MYBPHL: variants seen among roughly 807,000 people sequenced by gnomAD.
MYBPHL encodes myosin-binding protein H-like.
MYBPHL carries 32 observed loss-of-function variants against 39.5 expected under a neutral mutation model. The ratio of observed to expected loss-of-function variants is 0.81; its 90% CI spans 0.61 to 1.09. The LOEUF is 1.09. Ranked by LOEUF, MYBPHL falls within the 50% of genes least tolerant of loss-of-function variation. MYBPHL has a pLI of 0.00. For synonymous variants in MYBPHL, 196 were observed against 183.7 expected (o/e 1.07, Z -0.54); for missense variants, 456 against 460.2 (o/e 0.99, Z 0.08).
chr1:109,295,848 T>C (rs1658038928), intron 6 of MYBPHL, among the ~76,000 whole-genome samples: 1 of 152,216 alleles, frequency 6.6e-6, no homozygotes, highest in South Asian at 2.1e-4. Flanking sequence ...AGAGCCTTGC[T>C]CAGGGTTGTG....
chr1:109,297,724 A>G, intron 2 of MYBPHL, 107 bp from the exon 3 acceptor site: 1 of 997,336 alleles, frequency 1.0e-6, no homozygotes, highest in Non-Finnish European at 1.5e-6. Flanking sequence ...CTTGACTTGG[A>G]GCTGCACATT....
intron 1 of MYBPHL, among the ~76,000 whole-genome samples, chr1:109,300,792 G>C (rs1217263522): frequency 6.6e-6 from 1 of 152,222 alleles, no homozygotes; most frequent in East Asian, 1.9e-4. Context: ...CCGCGAGGAC[G>C]GCAGTCTCTC....
intron 8 of MYBPHL, among the ~76,000 whole-genome samples, chr1:109,293,413 A>C (rs886294247): frequency 6.6e-6 from 1 of 152,186 alleles, no homozygotes; most frequent in East Asian, 1.9e-4. Flanking sequence ...ATCTACTATA[A>C]ATTCTCTCCA....
intron 1 of MYBPHL, among the ~76,000 whole-genome samples, chr1:109,299,493 CT>C (rs1658209108): frequency 6.6e-6 from 1 of 152,236 alleles, no homozygotes; most frequent in South Asian, 2.1e-4. Flanking sequence ...AACAGAGCTT[CT>C]TCTGTGTCCT....
chr1:109,298,352 G>C, intron 1 of MYBPHL, 95 bp from the exon 2 acceptor site: 2 of 1,097,196 alleles, frequency 1.8e-6, no homozygotes, highest in Non-Finnish European at 2.7e-6. Flanking sequence ...CCCAGGAATC[G>C]GTCACCAAAT....
At chr1:109,301,763 G>C (rs1277737254) in intron 1 of MYBPHL, among the ~76,000 whole-genome samples, 2 of 151,526 alleles carry the variant, frequency 1.3e-5, no homozygotes, top group Non-Finnish European at 2.9e-5. Context: ...AAAAAAAAGA[G>C]AGAAAACTAC....
intron 8 of MYBPHL, chr1:109,293,144 T>G (rs2101462595): frequency 6.6e-6 from 1 of 152,312 alleles, no homozygotes; most frequent in South Asian, 2.1e-4. Context: ...CTGAGGCGTT[T>G]ACTCAGTCAG....
chr1:109,295,903 T>C (rs1458836471), intron 6 of MYBPHL, among the ~76,000 whole-genome samples: 1 of 152,180 alleles, frequency 6.6e-6, no homozygotes, highest in Non-Finnish European at 1.5e-5. Flanking sequence ...ACGGCCCTGA[T>C]GGGATGAGGT....
At chr1:109,295,539 GA>G (rs1557761801) in intron 6 of MYBPHL, among the ~76,000 whole-genome samples, 1 of 152,182 alleles carries the variant, frequency 6.6e-6, no homozygotes, top group Non-Finnish European at 1.5e-5. Context: ...CTGACTGGAA[GA>G]AAACTGCTAA....
intron 1 of MYBPHL, among the ~76,000 whole-genome samples, chr1:109,299,177 C>T (rs766256227): frequency 6.6e-4 from 100 of 152,314 alleles, no homozygotes; most frequent in Non-Finnish European, 1.2e-3. Context: ...GCTGTCTCCT[C>T]CTTTCTCAGG....
rs1173940040 is a variant in MYBPHL at position 109,297,322 on chromosome 1, G to A, written c.430+100C>T. Reference sequence around the variant, plus strand: ...ACCCTGTGTCCCAGACATGACGTGGGAGCCTTGCCGCAGCTTCCCCAGCTC... The same window carrying A: ...ACCCTGTGTCCCAGACATGACGTGGAAGCCTTGCCGCAGCTTCCCCAGCTC... On this transcript the variant is annotated intron_variant, in intron 3 of 8. Coordinates refer to ENST00000357155, the MANE Select transcript of MYBPHL (RefSeq NM_001010985.3). 9 of 1,560,232 alleles carry A rather than the reference G, an allele frequency of 5.8e-6. 1 individual carries two copies. The East Asian group carries it at 2.0e-4, about 35-fold the overall frequency.
Position 109,297,158 on chromosome 1 carries a change from C to A in MYBPHL, c.462G>T (p.Leu154=), listed in dbSNP as rs771009699. ...TAGCGCTGAAGCCCCAAACGTCCAC[C>A]AGCTTAATACTCTGAGGAGGGCCTG... is the stretch of plus-strand genomic sequence containing the variant. ...ERPGPPQSIK[L]VDVWGFSATL... is the part of the protein sequence containing the mutation. The change falls in exon 4 of 9, where the codon CTG becomes CTT. Residue 154 remains leucine, a synonymous_variant. Coordinates refer to ENST00000357155, the MANE Select transcript of MYBPHL (RefSeq NM_001010985.3). 1.9e-6 allele frequency: 3 copies of A among 1,614,208 alleles called. No individual in the cohort carries two copies. The highest frequency in any genetic ancestry group is 2.5e-6 in the Non-Finnish European group (3 of 1,180,046).
At chr1:109,305,540 G>A (rs1658437135) in intron 1 of MYBPHL, among the ~76,000 whole-genome samples, 1 of 152,216 alleles carries the variant, frequency 6.6e-6, no homozygotes, top group East Asian at 1.9e-4. Context: ...CTTTTGGGAA[G>A]ACCAGTAGAG....
At chr1:109,303,101 C>A (rs533790139) in intron 1 of MYBPHL, among the ~76,000 whole-genome samples, 2 of 152,172 alleles carry the variant, frequency 1.3e-5, no homozygotes, top group African/African-American at 4.8e-5. Context: ...TTAGTTCTTA[C>A]GCTAGTGAGA....
chr1:109,297,489 A>C lies in MYBPHL; in HGVS notation c.363T>G (p.Gly121=). 6.2e-7 allele frequency: 1 copy of C among 1,613,428 alleles called. No individual in the cohort carries two copies. The highest frequency in any genetic ancestry group is 8.5e-7 in the Non-Finnish European group (1 of 1,179,984). Residue 121 remains glycine, a synonymous_variant, in exon 3 of 9, where the codon GGT becomes GGG. Coordinates refer to ENST00000357155, the MANE Select transcript of MYBPHL (RefSeq NM_001010985.3). ...FIREAQRADS[G]RYQLRVQLGG... ...CCAGCTGCACGCGGAGTTGGTAGCG[A>C]CCTGAGTCAGCACGTTGGGCTTCTC...
intron 1 of MYBPHL, among the ~76,000 whole-genome samples, chr1:109,304,548 C>T (rs369639344): frequency 2.2e-4 from 33 of 152,278 alleles, no homozygotes; most frequent in African/African-American, 7.9e-4. Context: ...AGCTCCACTT[C>T]CGTGGAGCTC....
chr1:109,302,905 AGAC>A (rs1455391528), intron 1 of MYBPHL, among the ~76,000 whole-genome samples: 1 of 152,190 alleles, frequency 6.6e-6, no homozygotes, highest in Non-Finnish European at 1.5e-5. Flanking sequence ...TTTGCCAATG[AGAC>A]GTAAGTGGCA....
At chr1:109,304,497 G>C in intron 1 of MYBPHL, among the ~76,000 whole-genome samples, 1 of 152,204 alleles carries the variant, frequency 6.6e-6, no homozygotes, top group East Asian at 1.9e-4. Context: ...GAGGCACACA[G>C]AGACCATCGT....
chr1:109,298,843 G>A (rs769002871), intron 1 of MYBPHL, among the ~76,000 whole-genome samples: 4 of 152,148 alleles, frequency 2.6e-5, no homozygotes, highest in South Asian at 2.1e-4. Flanking sequence ...CTCTGCTCCC[G>A]GGCGCCTGCA....
Sources: gnomAD v4.1 joint callset for allele counts (sites outside exome capture counted in the v4.1 genomes callset) on GRCh38, gnomAD v4.1.1 for gene constraint, MANE v1.5 for transcripts, NCBI Gene and HGNC (gene_info 2026-07-23, HGNC 2026-07-21) for gene names.